The following SLCO4A1 variants were observed in gnomAD, a reference collection of about 807,000 sequenced individuals.
SLCO4A1 encodes solute carrier organic anion transporter family member 4A1.
A neutral mutation model predicts 64.6 loss-of-function variants in SLCO4A1; 51 were observed. The observed-to-expected ratio is 0.79, with a 90% CI of 0.63 to 1.00. The LOEUF (loss-of-function observed/expected upper bound fraction) is 1.00. Ranked by LOEUF, SLCO4A1 falls within the 50% of genes least tolerant of loss-of-function variation. The probability of loss-of-function intolerance (pLI) is 0.00; values close to 1 mark genes in which losing one functional copy is unlikely to be tolerated. For missense variants in SLCO4A1, 919 were observed against 980.5 expected, an observed-to-expected ratio of 0.94 and a Z score of 0.84; for synonymous variants, 471 against 444.9, an observed-to-expected ratio of 1.06 and a Z score of -0.74.
At chr20:62,654,143 C>T (rs1983183490) in intron 1 of SLCO4A1, among the ~76,000 whole-genome samples, 1 of 152,106 alleles carries the variant, frequency 6.6e-6, no homozygotes, top group African/African-American at 2.4e-5. Context: ...CTTCCTGCCC[C>T]CAGTGGCTCC....
At position 62,656,906 on chromosome 20, in the gene SLCO4A1, T is replaced by C. The variant is rs567828010; in HGVS notation, c.452T>C (p.Ile151Thr). The change falls in exon 2 of 12, where the codon ATT (isoleucine) becomes ACT (threonine). Residue 151 changes from isoleucine to threonine, a missense_variant. By Grantham distance (89) the Ile-to-Thr change is moderately conservative. Coordinates refer to ENST00000217159, the MANE Select transcript of SLCO4A1 (RefSeq NM_016354.4). The part of the protein sequence containing the change: ...QSGLIASSYD[I>T]AACLCLTFVS... ...GGGCTCATCGCCAGCTCCTACGACA[T>C]TGCCGCCTGCCTCTGCCTCACCTTC... The C allele has an allele frequency of 3.8e-5, 59 of 1,570,362 alleles. No homozygotes were observed. In the East Asian group the frequency reaches 1.2e-3, roughly 31 times the overall value.
chr20:62,672,805 T>C (rs1987378961), downstream of SLCO4A1, among the ~76,000 whole-genome samples: 2 of 152,100 alleles, frequency 1.3e-5, no homozygotes, highest in Non-Finnish European at 2.9e-5. Context: ...TTAAGAGACC[T>C]CTGCCATCCG....
rs528912883 is a variant in SLCO4A1 at position 62,661,753 on chromosome 20, C to A, written c.1121+578C>A. ...CCTCTGGGGAGGTTGCTTGCTTTGC[C>A]GTCTGCCTTGGCTGCCTTCCCTTTC... On this transcript the variant is annotated intron_variant, in intron 5 of 11. Coordinates refer to ENST00000217159, the MANE Select transcript of SLCO4A1 (RefSeq NM_016354.4). This position sits in a 1 kb window ranked among gnomAD's most constrained non-coding sequence, Gnocchi z 5.2. 2.0e-5 allele frequency among the ~76,000 whole-genome samples: 3 copies of A among 152,020 alleles called. No individual in the cohort carries two copies. Among genetic ancestry groups the A allele is most frequent in the Admixed American group, 6.6e-5 (1 of 15,264 alleles).
chr20:62,670,777 C>G (rs994129520), intron 11 of SLCO4A1, among the ~76,000 whole-genome samples: 1 of 152,228 alleles, frequency 6.6e-6, no homozygotes, highest in Non-Finnish European at 1.5e-5. Context: ...GCAGCGCATG[C>G]GTCCATGTTA....
At position 62,661,023 on chromosome 20, in the gene SLCO4A1, G is replaced by GGGCCCCCCCCCCCCCCCCC; in HGVS notation, c.1010-41_1010-40insGGCCCCCCCCCCCCCCCCC. The GGGCCCCCCCCCCCCCCCCC allele has an allele frequency of 1.4e-6, 1 of 732,790 alleles. No homozygotes were observed. The highest frequency in any genetic ancestry group is 2.5e-6 in the Non-Finnish European group (1 of 399,750). 45.4% of individuals were successfully genotyped at this position (732,790 alleles called of 1,614,324 possible). On this transcript the variant is annotated intron_variant, in intron 4 of 11. Coordinates refer to ENST00000217159, the MANE Select transcript of SLCO4A1 (RefSeq NM_016354.4). The surrounding 1 kb of genome is among the most constrained non-coding windows in gnomAD (Gnocchi z 5.2). ...CTCTCGGAGAAGTCCACCTCCGGGA[G>GGGCCCCCCCCCCCCCCCCC]CCCCCAGCCCCCAGCCCCAGCTCAC...
At chr20:62,684,122 G>C (rs1331565959) in intron 2 of SLCO4A1, among the ~76,000 whole-genome samples, 1 of 151,820 alleles carries the variant, frequency 6.6e-6, no homozygotes, top group Non-Finnish European at 1.5e-5. Flanking sequence ...ACACGCTCAC[G>C]CAAAGATCTC....
intron 1 of SLCO4A1, chr20:62,652,028 T>G: frequency 4.9e-5 from 1 of 20,566 alleles, no homozygotes; most frequent in East Asian, 2.3e-3. Context: ...TGCCCCCGCC[T>G]CCCCCACCCT....
In SLCO4A1 at chr20:62,668,097, A is replaced by G; in HGVS notation, c.1724A>G (p.Gln575Arg). ...GCAGGGAAATGCACTTCAACTTGTC[A>G]GAGAAAGCCCCTCCTTCTGGTTTTC... ...ATAGKCTSTC[Q>R]RKPLLLVFIF... is the part of the protein sequence containing the mutation. The change falls in exon 9 of 12, where the codon CAG becomes CGG. Residue 575 changes from glutamine to arginine, a missense_variant. By Grantham distance (43) the Gln-to-Arg change is conservative. Transcript: ENST00000217159. 6.2e-7 allele frequency: 1 copy of G among 1,614,020 alleles called. No homozygotes were observed. Among genetic ancestry groups the G allele is most frequent in the South Asian group, 1.1e-5 (1 of 91,084 alleles).
downstream of SLCO4A1, among the ~76,000 whole-genome samples, chr20:62,675,982 G>T (rs1987574167): frequency 6.6e-6 from 1 of 152,202 alleles, no homozygotes; most frequent in Non-Finnish European, 1.5e-5. Flanking sequence ...TTCCACGGCT[G>T]CTGGGATGAG....
chr20:62,667,964 G>A, intron 8 of SLCO4A1, 48 bp from the exon 9 acceptor site: 1 of 1,613,798 alleles, frequency 6.2e-7, no homozygotes, highest in Non-Finnish European at 8.5e-7. Flanking sequence ...CTGGGAAGGG[G>A]CCCCCGTGCC....
At chr20:62,674,304 C>T (rs1414140881), downstream of SLCO4A1, among the ~76,000 whole-genome samples, 1 of 152,142 alleles carries the variant, frequency 6.6e-6, no homozygotes, top group African/African-American at 2.4e-5. Flanking sequence ...GTCCATGGGG[C>T]CCTCGGGGAG....
chr20:62,661,073 G>A lies in SLCO4A1; in HGVS notation c.1019G>A (p.Arg340His), dbSNP rs747902473. Reference protein sequence around the residue: ...GYPRQLPGSQRYAVMRAAEMH... With the variant: ...GYPRQLPGSQHYAVMRAAEMH... ...CTCTGTGCCCTTCCAGGCTCCCAGC[G>A]CTACGCGGTCATGAGAGCGGCGGAA... The change falls in exon 5 of 12, where the codon CGC becomes CAC. Residue 340 changes from arginine (R) to histidine (H), a missense_variant. Arg to His is a conservative substitution (Grantham distance 29). Transcript: ENST00000217159. This position sits in a 1 kb window ranked among gnomAD's most constrained non-coding sequence, Gnocchi z 5.2. 27 of 1,556,940 alleles carry A rather than the reference G, an allele frequency of 1.7e-5. No homozygotes were observed. The highest frequency in any genetic ancestry group is 1.4e-4 in the Admixed American group (8 of 57,950).
intron 7 of SLCO4A1, 77 bp downstream of exon 7, chr20:62,666,652 G>A: frequency 7.8e-7 from 1 of 1,286,800 alleles, no homozygotes; most frequent in Non-Finnish European, 1.1e-6. Flanking sequence ...GAGGAGTGGT[G>A]CAGCACTTGG....
chr20:62,664,869 A>C, intron 5 of SLCO4A1, 65 bp from the exon 6 acceptor site: 1 of 1,470,088 alleles, frequency 6.8e-7, no homozygotes, highest in Non-Finnish European at 9.1e-7. Context: ...TCTCTTCTCC[A>C]CACCCCGACC....
At chr20:62,686,546 C>T (rs538789788), downstream of SLCO4A1, among the ~76,000 whole-genome samples, 74 of 152,346 alleles carry the variant, frequency 4.9e-4, 1 homozygote, top group South Asian at 0.015. Flanking sequence ...TCTGAGCCCC[C>T]GAGGGCCCTC....
In SLCO4A1 at chr20:62,672,263, A is replaced by G. The variant is rs1038665573; in HGVS notation, c.*370A>G. The G allele has an allele frequency of 7.7e-6, 9 of 1,162,438 alleles. No homozygotes were observed. The highest frequency in any genetic ancestry group is 1.2e-4 in the East Asian group (2 of 16,526). 72.0% of individuals were successfully genotyped at this position (1,162,438 alleles called of 1,614,324 possible). On this transcript the variant is annotated 3_prime_UTR_variant, in exon 12 of 12. Coordinates refer to ENST00000217159, the MANE Select transcript of SLCO4A1 (RefSeq NM_016354.4). ...TGTGTGTCCTCAGTTAAAACTGTGC[A>G]TATCGAAATATATTTTGTTATTTAA...
intron 5 of SLCO4A1, among the ~76,000 whole-genome samples, chr20:62,664,356 C>T (rs1985672900): frequency 6.6e-6 from 1 of 152,352 alleles, no homozygotes. Context: ...CAGTGGCTTC[C>T]TGCCCCACTT....
intron 6 of SLCO4A1, 71 bp from the exon 7 acceptor site, chr20:62,666,308 CG>C: frequency 7.2e-7 from 1 of 1,395,794 alleles, no homozygotes; most frequent in Non-Finnish European, 1.0e-6. Flanking sequence ...AAAGTGGACC[CG>C]GCTGATCCAC....
rs1569146351 is a variant in SLCO4A1, at chr20:62,668,463, G to A, written c.1812-14G>A. The A allele has an allele frequency of 6.2e-7, 1 of 1,613,784 alleles. No individual in the cohort carries two copies. ...CACTTCTGTGGGTGCTGACGCTGTG[G>A]TTTTCTATTGCAGATGTGTCCGTGA... On this transcript the variant is annotated splice_polypyrimidine_tract_variant and intron_variant, in intron 9 of 11. Transcript: ENST00000217159.
Sources: gnomAD v4.1 joint callset for allele counts (sites outside exome capture counted in the v4.1 genomes callset) on GRCh38, gnomAD v4.1.1 for gene constraint, Gnocchi (gnomAD v3.1) non-coding constraint, MANE v1.5 for transcripts, NCBI Gene and HGNC (gene_info 2026-07-23, HGNC 2026-07-21) for gene names.